TRPM6: variants seen among roughly 807,000 people sequenced by gnomAD.
TRPM6 encodes transient receptor potential cation channel subfamily M member 6.
In TRPM6, 111 loss-of-function variants were observed where a neutral mutation model predicts 247.6. That is an observed-to-expected ratio of 0.45 (90% CI 0.38 to 0.52). TRPM6 has a LOEUF of 0.52. Among genes scored for constraint, TRPM6 ranks in the 20% least tolerant of loss-of-function variants. TRPM6 has a pLI of 0.00. For synonymous variants in TRPM6, 892 were observed against 853.8 expected (o/e 1.04, Z -0.78); for missense variants, 2,126 against 2,421.5 (o/e 0.88, Z 2.56).
At chr9:74,729,232 CG>C (rs1165203648) in intron 37 of TRPM6, among the ~76,000 whole-genome samples, 1 of 152,156 alleles carries the variant, frequency 6.6e-6, no homozygotes, top group Non-Finnish European at 1.5e-5. Flanking sequence ...ACTCAATTAC[CG>C]CTCTTAAATA....
At position 74,724,482 on chromosome 9, in the gene TRPM6, A is replaced by C; in HGVS notation, c.*131T>G. 1 of 1,314,984 alleles carries C rather than the reference A, an allele frequency of 7.6e-7. No homozygotes were observed. The highest frequency in any genetic ancestry group is 1.1e-6 in the Non-Finnish European group (1 of 916,832). 81.5% of individuals were successfully genotyped at this position (1,314,984 alleles called of 1,614,324 possible). A position where few individuals can be genotyped will look rare whatever the true frequency, so the allele number is the denominator to read the frequency against. ...TATACCAATGAGGCCTTTGAACAGAAGGAGATGTGAGGCTCAGAAGGCGTG... is the reference window on the plus strand; with the variant it reads ...TATACCAATGAGGCCTTTGAACAGACGGAGATGTGAGGCTCAGAAGGCGTG... On this transcript the variant is annotated 3_prime_UTR_variant, in exon 39 of 39. Coordinates refer to ENST00000360774, the MANE Select transcript of TRPM6 (RefSeq NM_017662.5).
intron 21 of TRPM6, among the ~76,000 whole-genome samples, chr9:74,784,924 C>G (rs58013432): frequency 0.018 from 2,671 of 152,112 alleles, 85 homozygotes; most frequent in African/African-American, 0.062. Context: ...CCAGCCTGGG[C>G]AACATAGTGG....
intron 32 of TRPM6, among the ~76,000 whole-genome samples, chr9:74,743,560 T>C (rs2118753824): frequency 6.6e-6 from 1 of 152,322 alleles, no homozygotes; most frequent in South Asian, 2.1e-4. Flanking sequence ...GCAAGTACAA[T>C]TATTCCCACT....
At chr9:74,779,004 G>A (rs549124561) in intron 23 of TRPM6, among the ~76,000 whole-genome samples, 10 of 152,056 alleles carry the variant, frequency 6.6e-5, no homozygotes, top group Admixed American at 4.6e-4. Flanking sequence ...TAAGATGCGG[G>A]GTGTGAGCCT....
chr9:74,874,265 T>TA (rs1831123664), intron 1 of TRPM6, among the ~76,000 whole-genome samples: 2 of 151,280 alleles, frequency 1.3e-5, no homozygotes, highest in Non-Finnish European at 2.9e-5. Flanking sequence ...AAACAAGAAT[T>TA]AGAGTTGTCC....
intron 7 of TRPM6, among the ~76,000 whole-genome samples, chr9:74,827,545 G>C (rs911689006): frequency 6.6e-6 from 1 of 151,830 alleles, no homozygotes; most frequent in East Asian, 2.0e-4. Context: ...GAAATCTTTG[G>C]GGGGATCATG....
chr9:74,845,178 A>G (rs931811276), intron 3 of TRPM6, among the ~76,000 whole-genome samples: 3 of 152,248 alleles, frequency 2.0e-5, no homozygotes, highest in African/African-American at 7.2e-5. Flanking sequence ...TGTGATGCAG[A>G]GACAAGAAAT....
chr9:74,805,162 C>T (rs1828488102), intron 14 of TRPM6, among the ~76,000 whole-genome samples: 1 of 152,176 alleles, frequency 6.6e-6, no homozygotes, highest in South Asian at 2.1e-4. Flanking sequence ...AGAGGCAAAA[C>T]CATAAACAGG....
Position 74,816,770 on chromosome 9 carries a change from C to T in TRPM6, c.1208-1G>A. On this transcript the variant is annotated splice_acceptor_variant, in intron 10 of 38. Transcript: ENST00000360774. LOFTEE classifies it high-confidence loss of function. The stretch of plus-strand genomic sequence containing the variant: ...TGCTCTGACGCTGATAAATTTGTGC[C>T]TAGGGTAAAAGAAAGGAACAATCAT... 1 of 1,614,054 alleles carries T rather than the reference C, an allele frequency of 6.2e-7. No homozygotes were observed. Among genetic ancestry groups the T allele is most frequent in the South Asian group, 1.1e-5 (1 of 91,080 alleles).
intron 36 of TRPM6, among the ~76,000 whole-genome samples, chr9:74,733,221 G>A (rs1334866009): frequency 1.3e-5 from 2 of 150,834 alleles, no homozygotes; most frequent in Admixed American, 6.6e-5. Context: ...AAAAAAGCAC[G>A]TAAAAAAAAT....
intron 1 of TRPM6, among the ~76,000 whole-genome samples, chr9:74,871,778 C>G (rs894720204): frequency 1.3e-5 from 2 of 151,760 alleles, no homozygotes; most frequent in African/African-American, 4.8e-5. Context: ...CTCTTGGGCT[C>G]AAGCAGTCCT....
chr9:74,830,743 A>ATTTTTTT (rs1564034405), intron 6 of TRPM6, among the ~76,000 whole-genome samples: 1 of 106,236 alleles, frequency 9.4e-6, no homozygotes. Flanking sequence ...TGCCCAGCTA[A>ATTTTTTT]TTTTTGTTTT....
chr9:74,732,319 T>C lies in TRPM6; in HGVS notation c.5828+366A>G, dbSNP rs907523146. On this transcript the variant is annotated intron_variant, in intron 37 of 38. Transcript: ENST00000360774. ...AGATGCTGCCCATGATAAGATGCAA[T>C]GACTCCATTGTGAAGACAAAAAAGG... 2.6e-5 allele frequency among the ~76,000 whole-genome samples: 4 copies of C among 152,334 alleles called. No individual in the cohort carries two copies. In the Middle Eastern group the frequency reaches 0.01, roughly 389 times the overall value.
intron 3 of TRPM6, among the ~76,000 whole-genome samples, chr9:74,854,923 T>C (rs1830477380): frequency 6.6e-6 from 1 of 152,204 alleles, no homozygotes; most frequent in African/African-American, 2.4e-5. Context: ...AAGCAGTCCA[T>C]CCACCTTGGC....
At chr9:74,874,618 A>G (rs1831133178) in intron 1 of TRPM6, among the ~76,000 whole-genome samples, 1 of 152,216 alleles carries the variant, frequency 6.6e-6, no homozygotes, top group Non-Finnish European at 1.5e-5. Flanking sequence ...GAGAAGAAAT[A>G]TATTTTATCC....
rs904327965 is a variant in TRPM6, at chr9:74,847,413, C to T, written c.153-5070G>A. Among the ~76,000 whole-genome samples, 6 of 152,176 alleles carry T rather than the reference C, an allele frequency of 3.9e-5. No homozygotes were observed. The East Asian group carries it at 1.2e-3, about 29-fold the overall frequency. ...CCCAAGCTGATCTTGAACTCCTGGG[C>T]TCCAACAATCCTTCTCCCTCAGTCT... On this transcript the variant is annotated intron_variant, in intron 3 of 38. Transcript: ENST00000360774.
At chr9:74,727,926 G>A (rs955585787) in intron 38 of TRPM6, among the ~76,000 whole-genome samples, 9 of 152,030 alleles carry the variant, frequency 5.9e-5, no homozygotes, top group Non-Finnish European at 1.2e-4. Flanking sequence ...AAATGTGGGG[G>A]GTGGGGCGGG....
intron 1 of TRPM6, among the ~76,000 whole-genome samples, chr9:74,886,597 T>A (rs1469194886): frequency 1.3e-5 from 2 of 152,130 alleles, no homozygotes; most frequent in African/African-American, 2.4e-5. Flanking sequence ...CTCCTTTGGT[T>A]TCATTTTCCT....
At chr9:74,739,539 T>C (rs978439287) in intron 34 of TRPM6, 90 bp from the exon 35 acceptor site, 1 of 1,517,410 alleles carries the variant, frequency 6.6e-7, no homozygotes, top group Non-Finnish European at 9.1e-7. Flanking sequence ...AATGTGATTT[T>C]TAGCCTTATT....
Sources: allele counts gnomAD v4.1 joint callset (sites outside exome capture counted in the v4.1 genomes callset), GRCh38; gene constraint gnomAD v4.1.1; transcripts MANE v1.5; gene names NCBI Gene and HGNC (gene_info 2026-07-23, HGNC 2026-07-21).